The following MIA3 variants were observed in gnomAD, a reference collection of about 807,000 sequenced individuals.
MIA3 encodes the protein MIA SH3 domain ER export factor 3.
Under a neutral mutation model 192.4 loss-of-function variants are expected in MIA3, and 90 were observed. The ratio of observed to expected loss-of-function variants is 0.47; its 90% confidence interval spans 0.39 to 0.56. The LOEUF is 0.56. Ranked by LOEUF, MIA3 falls within the 20% of genes least tolerant of loss-of-function variation. The probability of loss-of-function intolerance (pLI) is 0.00; values close to 1 mark genes in which losing one functional copy is unlikely to be tolerated. For synonymous variants in MIA3, 740 were observed against 792.8 expected, an observed-to-expected ratio of 0.93 and a Z score of 1.12; for missense variants, 2,123 against 2,269.4, an observed-to-expected ratio of 0.94 and a Z score of 1.31.
chr1:222,641,908 T>C (rs1662879050), intron 6 of MIA3: 7 of 433,524 alleles, frequency 1.6e-5, no homozygotes, highest in South Asian at 8.5e-5. Context: ...TATCTATCTA[T>C]AGATGACAGA....
rs761864266 is a variant in MIA3 at position 222,628,988 on chromosome 1, G to A, written c.1768G>A (p.Ala590Thr). The A allele has an allele frequency of 5.0e-6, 8 of 1,614,192 alleles. No individual in the cohort carries two copies. Among genetic ancestry groups the A allele is most frequent in the South Asian group, 4.4e-5 (4 of 91,088 alleles). The change falls in exon 4 of 28, where the codon GCA becomes ACA. Residue 590 changes from alanine to threonine, a missense_variant. Physicochemically the swap from Ala to Thr is moderately conservative, Grantham distance 58. Around this residue, in one of 3 missense-constraint regions of MIA3, gnomAD observed 1,357 missense variants for 1,396.1 expected, o/e 0.97. Transcript: ENST00000344922. ...APLMGDDHPN[A>T]SRDSVEGDAL... is the part of the protein sequence containing the mutation. ...ACTCATGGGAGATGACCACCCTAACGCATCCAGAGACAGTGTGGAGGGAGA... is the reference window on the plus strand; with the variant it reads ...ACTCATGGGAGATGACCACCCTAACACATCCAGAGACAGTGTGGAGGGAGA...
Position 222,629,873 on chromosome 1 carries a change from A to G in MIA3, c.2653A>G (p.Lys885Glu). 3 of 1,613,874 alleles carry G rather than the reference A, an allele frequency of 1.9e-6. No homozygotes were observed. The highest frequency in any genetic ancestry group is 2.5e-6 in the Non-Finnish European group (3 of 1,179,966). ...LSKEDHENTE[K>E]YMGTESQGSA... ...AAAAGAGGACCATGAGAACACAGAG[A>G]AGTACATGGGCACAGAAAGCCAGGG... The change falls in exon 4 of 28, where the codon AAG becomes GAG. Residue 885 changes from lysine to glutamate, a missense_variant. Transcript: ENST00000344922.
chr1:222,632,268 G>T lies in MIA3; in HGVS notation c.3273G>T (p.Gly1091=). ...EPTHLDQRVI[G]DTHASEVSQK... ...CCCACTTGGACCAACGTGTGATTGG[G>T]GACACTCATGCCTCAGAAGTGTCAC... The change falls in exon 5 of 28, where the codon GGG becomes GGT. Residue 1091 remains glycine (G), a synonymous_variant. Coordinates refer to ENST00000344922, the MANE Select transcript of MIA3 (RefSeq NM_198551.4). The T allele has an allele frequency of 6.2e-7, 1 of 1,614,076 alleles. No individual in the cohort carries two copies. Among genetic ancestry groups the T allele is most frequent in the Non-Finnish European group, 8.5e-7 (1 of 1,179,968 alleles).
At chr1:222,655,475 T>G (rs895188413) in intron 18 of MIA3, among the ~76,000 whole-genome samples, 4 of 152,260 alleles carry the variant, frequency 2.6e-5, no homozygotes, top group African/African-American at 9.6e-5. Flanking sequence ...TTTGCTCTTA[T>G]GTTTTACTCT....
At chr1:222,650,547 C>G in intron 9 of MIA3, 87 bp from the exon 10 acceptor site, 2 of 992,044 alleles carry the variant, frequency 2.0e-6, no homozygotes, top group Non-Finnish European at 3.1e-6. Context: ...GTACTGTTTT[C>G]TTCTGTAAGA....
chr1:222,621,831 C>T (rs1398626116), intron 2 of MIA3, among the ~76,000 whole-genome samples: 39 of 118,004 alleles, frequency 3.3e-4, no homozygotes, highest in Admixed American at 1.8e-3. Flanking sequence ...TTTTTTGAGG[C>T]GGAGTCTTGC....
Position 222,618,190 on chromosome 1 carries a change from G to C in MIA3, c.80G>C (p.Ser27Thr). 1 of 1,499,988 alleles carries C rather than the reference G, an allele frequency of 6.7e-7. No individual in the cohort carries two copies. The highest frequency in any genetic ancestry group is 8.9e-7 in the Non-Finnish European group (1 of 1,122,674). The allele number at this position is 1,499,988 out of a possible 1,614,324, so 92.9% of individuals were successfully genotyped here. A position where few individuals can be genotyped will look rare whatever the true frequency, so the allele number is the denominator to read the frequency against. The change falls in exon 1 of 28, where the codon AGC (serine) becomes ACC (threonine). Residue 27 changes from serine (S) to threonine (T), a missense_variant. Ser to Thr is a moderately conservative substitution (Grantham distance 58, BLOSUM62 1). Transcript: ENST00000344922. ...CGGGTGCCGGGCCAGCTGGACCCCA[G>C]CACTGGCCGGCGGTTCTCGGAGCAC... Reference protein sequence around the residue: ...PWRVPGQLDPSTGRRFSEHKL... With the variant: ...PWRVPGQLDPTTGRRFSEHKL...
chr1:222,636,366 T>C (rs1397064296), intron 6 of MIA3, among the ~76,000 whole-genome samples: 1 of 152,108 alleles, frequency 6.6e-6, no homozygotes, highest in East Asian at 1.9e-4. Context: ...TAGCTTACAG[T>C]TGTTCTTTTT....
chr1:222,659,395 ATTGT>A lies in MIA3; in HGVS notation c.4710-54_4710-51del. ...TTAGGGTAACGGTTAACATAGTCAG[ATTGT>A]TTGGGTTTTTATTCAGTTGTGCTTT... On this transcript the variant is annotated intron_variant, in intron 19 of 27. Coordinates refer to ENST00000344922, the MANE Select transcript of MIA3 (RefSeq NM_198551.4). The A allele has an allele frequency of 4.0e-6, 6 of 1,483,226 alleles. No homozygotes were observed. In the South Asian group the frequency reaches 5.7e-5, roughly 14 times the overall value. 91.9% of individuals were successfully genotyped at this position (1,483,226 alleles called of 1,614,324 possible).
rs1469295850 is a variant in MIA3 at position 222,621,304 on chromosome 1, A to G, written c.267+12A>G. 2 of 1,600,222 alleles carry G rather than the reference A, an allele frequency of 1.2e-6. No homozygotes were observed. The highest frequency in any genetic ancestry group is 1.7e-6 in the Non-Finnish European group (2 of 1,175,758). On this transcript the variant is annotated intron_variant, in intron 2 of 27. Coordinates refer to ENST00000344922, the MANE Select transcript of MIA3 (RefSeq NM_198551.4). Reference sequence around the variant, plus strand: ...TTTGGGCTGGAAGTGTAAGTAAAATATCGACATACTTTATTTGCTTAATTT... The same window carrying G: ...TTTGGGCTGGAAGTGTAAGTAAAATGTCGACATACTTTATTTGCTTAATTT...
chr1:222,650,090 C>G (rs1478538995), intron 8 of MIA3: 2 of 564,376 alleles, frequency 3.5e-6, no homozygotes, highest in Non-Finnish European at 6.5e-6. Context: ...CAGGCCCCAC[C>G]TGAACACTGG....
At chr1:222,623,961 A>G (rs1184121444) in intron 2 of MIA3, among the ~76,000 whole-genome samples, 1 of 152,230 alleles carries the variant, frequency 6.6e-6, no homozygotes, top group Non-Finnish European at 1.5e-5. Context: ...CGTTTTGGAA[A>G]ATGGCAGTAT....
At chr1:222,624,593 A>G (rs1558171530) in intron 2 of MIA3, among the ~76,000 whole-genome samples, 175 bp from the exon 3 acceptor site, 1 of 152,188 alleles carries the variant, frequency 6.6e-6, no homozygotes, top group Non-Finnish European at 1.5e-5. Context: ...GACCCATACA[A>G]AGTGTCACTA....
chr1:222,662,005 A>G (rs1297769776), intron 24 of MIA3, 51 bp from the exon 25 acceptor site: 1 of 1,474,434 alleles, frequency 6.8e-7, no homozygotes, highest in Non-Finnish European at 9.4e-7. Context: ...TCCACAATTT[A>G]TTATTTCTTC....
intron 6 of MIA3, among the ~76,000 whole-genome samples, chr1:222,642,833 A>T (rs1662924174): frequency 6.6e-6 from 1 of 152,066 alleles, no homozygotes; most frequent in Admixed American, 6.6e-5. Context: ...TATGTTTTTA[A>T]ATTATTTGCA....
rs1663857049 is a variant in MIA3 at position 222,658,728 on chromosome 1, G to C, written c.4614G>C (p.Leu1538=). 2 of 1,603,738 alleles carry C rather than the reference G, an allele frequency of 1.2e-6. No homozygotes were observed. The highest frequency in any genetic ancestry group is 1.7e-6 in the Non-Finnish European group (2 of 1,176,422). ...ACAACCAGTTTTATCTTAGGAAACT[G>C]AGTCAAGAAGAGTATGAACGGCAAG... ...QQKEMALQKK[L]SQEEYERQER... is the part of the protein sequence containing the mutation. The change falls in exon 19 of 28, where the codon CTG becomes CTC. Residue 1538 remains leucine (L), a synonymous_variant. Transcript: ENST00000344922.
At chr1:222,634,476 A>C (rs1348773422) in intron 6 of MIA3, among the ~76,000 whole-genome samples, 1 of 152,222 alleles carries the variant, frequency 6.6e-6, no homozygotes, top group Non-Finnish European at 1.5e-5. Flanking sequence ...AGGGATTGTC[A>C]GGTCTGTTTC....
intron 6 of MIA3, among the ~76,000 whole-genome samples, chr1:222,643,816 A>G (rs1485658501): frequency 6.6e-6 from 1 of 152,038 alleles, no homozygotes; most frequent in Non-Finnish European, 1.5e-5. Context: ...AACTCAACCC[A>G]TGTGCATGGG....
chr1:222,645,056 AT>A (rs1663073999), intron 6 of MIA3, among the ~76,000 whole-genome samples: 2 of 152,300 alleles, frequency 1.3e-5, no homozygotes, highest in South Asian at 4.1e-4. Flanking sequence ...CTTAGTCAGC[AT>A]TTGTTCTTTG....
Sources: gnomAD v4.1 joint callset for allele counts (sites outside exome capture counted in the v4.1 genomes callset) on GRCh38, gnomAD v4.1.1 for gene constraint, gnomAD v4.1.1 regional missense constraint, MANE v1.5 for transcripts, NCBI Gene and HGNC (gene_info 2026-07-23, HGNC 2026-07-21) for gene names.